ADK: variants seen among roughly 807,000 people sequenced by gnomAD.
ADK encodes the protein N6,N6-dimethyladenosine kinase.
In ADK, 24 loss-of-function variants were observed where a neutral mutation model predicts 44.7. The ratio of observed to expected loss-of-function variants is 0.54; its 90% confidence interval spans 0.39 to 0.76. The LOEUF (loss-of-function observed/expected upper bound fraction) is 0.76. ADK is among the 30% of genes least tolerant of loss of function. The pLI is 0.00. For missense variants in ADK, 321 were observed against 425.1 expected (o/e 0.76, Z 2.15); for synonymous variants, 128 against 142.6 (o/e 0.90, Z 0.73).
intron 9 of ADK, among the ~76,000 whole-genome samples, chr10:74,663,320 C>CCACTAGAATGTTGGCCT (rs1854822876): frequency 6.6e-6 from 1 of 151,038 alleles, no homozygotes; most frequent in Non-Finnish European, 1.5e-5. Context: ...TTGTCTATCC[C>CCACTAGAATGTTGGCCT]CACTAGAATG....
chr10:74,172,689 CAAAAAAAAA>C (rs67914966), intron 1 of ADK, among the ~76,000 whole-genome samples: 1 of 66,292 alleles, frequency 1.5e-5, no homozygotes, highest in Non-Finnish European at 2.9e-5. Context: ...AACTCCATCT[CAAAAAAAAA>C]AAAAAAAAAA....
intron 3 of ADK, among the ~76,000 whole-genome samples, chr10:74,228,086 T>G (rs1159425751): frequency 6.6e-6 from 1 of 152,246 alleles, no homozygotes; most frequent in Non-Finnish European, 1.5e-5. Context: ...GAATATTAAG[T>G]ATGTTTTCAT....
intron 7 of ADK, among the ~76,000 whole-genome samples, chr10:74,588,812 A>G (rs553324562): frequency 1.3e-5 from 2 of 152,308 alleles, no homozygotes; most frequent in Non-Finnish European, 1.5e-5. Flanking sequence ...TTTTTACCCA[A>G]TGAGTTTAAC....
chr10:74,664,517 T>G (rs1305229475), intron 9 of ADK, among the ~76,000 whole-genome samples: 1 of 152,126 alleles, frequency 6.6e-6, no homozygotes, highest in East Asian at 1.9e-4. Flanking sequence ...CATTACCTAC[T>G]CAAAAAGTTA....
chr10:74,668,844 G>A (rs1448401782), intron 9 of ADK, among the ~76,000 whole-genome samples: 1 of 152,062 alleles, frequency 6.6e-6, no homozygotes, highest in Non-Finnish European at 1.5e-5. Context: ...ACCAGCTTGG[G>A]CAACAAAGTG....
Position 74,505,665 on chromosome 10 carries a change from G to A in ADK, c.556-19591G>A, listed in dbSNP as rs76083678. 9.8e-3 allele frequency among the ~76,000 whole-genome samples: 1,486 copies of A among 152,046 alleles called. 23 individuals carry two copies. Among genetic ancestry groups the A allele is most frequent in the African/African-American group, 0.034 (1,409 of 41,476 alleles). On this transcript the variant is annotated intron_variant, in intron 6 of 10. Transcript: ENST00000539909. The stretch of plus-strand genomic sequence containing the variant: ...TTTTTTGGGCTTGATGGCTTTCATG[G>A]CTACTTTTGTAACAATGGCGTTTTC...
At chr10:74,644,526 G>GT (rs1311606322) in intron 9 of ADK, among the ~76,000 whole-genome samples, 1 of 152,040 alleles carries the variant, frequency 6.6e-6, no homozygotes. Context: ...GAAAGAATTG[G>GT]TTTTTTTATT....
chr10:74,527,843 T>C lies in ADK; in HGVS notation c.726+2417T>C, dbSNP rs146722493. 1.2e-3 allele frequency: 1,335 copies of C among 1,099,820 alleles called. 9 individuals are homozygous for C. In the African/African-American group the frequency reaches 0.017, roughly 14 times the overall value. 68.1% of individuals were successfully genotyped at this position (1,099,820 alleles called of 1,614,324 possible). ...GTGGCCCTCTTGCTTCCAAGTGTCT[T>C]GAAGCTGCCAGCCAGATCTCTAACA... On this transcript the variant is annotated intron_variant, in intron 7 of 10. Coordinates refer to ENST00000539909, the MANE Select transcript of ADK (RefSeq NM_006721.4).
intron 9 of ADK, among the ~76,000 whole-genome samples, chr10:74,649,373 T>G (rs1267518187): frequency 6.6e-6 from 1 of 152,104 alleles, no homozygotes; most frequent in Non-Finnish European, 1.5e-5. Flanking sequence ...CCCCTGTATT[T>G]CCAACACTTT....
At chr10:74,341,810 G>A (rs878877810) in intron 4 of ADK, among the ~76,000 whole-genome samples, 1 of 152,062 alleles carries the variant, frequency 6.6e-6, no homozygotes, top group African/African-American at 2.4e-5. Flanking sequence ...CATTAGTACA[G>A]CAATATGTAA....
At chr10:74,553,369 T>G (rs1850114086) in intron 7 of ADK, among the ~76,000 whole-genome samples, 1 of 151,754 alleles carries the variant, frequency 6.6e-6, no homozygotes. Flanking sequence ...CCCAGCTAAT[T>G]TTTGTATTTG....
At chr10:74,701,294 C>T (rs576186047) in intron 10 of ADK, among the ~76,000 whole-genome samples, 7 of 152,152 alleles carry the variant, frequency 4.6e-5, no homozygotes, top group South Asian at 2.1e-4. Flanking sequence ...CACATGTATA[C>T]GTATACAGTT....
chr10:74,646,676 A>T (rs1185782986), intron 9 of ADK, among the ~76,000 whole-genome samples: 5 of 152,238 alleles, frequency 3.3e-5, no homozygotes, highest in Non-Finnish European at 5.9e-5. Context: ...TTAGTATTAC[A>T]GTAAGCAATC....
Position 74,414,020 on chromosome 10 carries a change from A to G in ADK, c.555+15441A>G, listed in dbSNP as rs1282900253. On this transcript the variant is annotated intron_variant, in intron 6 of 10. Coordinates refer to ENST00000539909, the MANE Select transcript of ADK (RefSeq NM_006721.4). ...TTATCAGTTAAGTTCACCATCTTCT[A>G]TGGGTGTGGTTTGTGGCATCCCAAA... Among the ~76,000 whole-genome samples the G allele has an allele frequency of 3.9e-5, 6 of 152,324 alleles. No individual in the cohort carries two copies. The East Asian group carries it at 1.2e-3, about 29-fold the overall frequency.
intron 4 of ADK, among the ~76,000 whole-genome samples, chr10:74,323,445 A>T (rs1840886426): frequency 6.6e-6 from 1 of 152,188 alleles, no homozygotes; most frequent in Admixed American, 6.5e-5. Context: ...AAGCAACTTT[A>T]TTGGAATATA....
At chr10:74,247,896 C>G (rs1038058149) in intron 3 of ADK, among the ~76,000 whole-genome samples, 4 of 152,028 alleles carry the variant, frequency 2.6e-5, no homozygotes, top group Admixed American at 6.6e-5. Flanking sequence ...GGCAGCCCAC[C>G]TACAGAAGAA....
chr10:74,580,907 G>C (rs1851351672), intron 7 of ADK, among the ~76,000 whole-genome samples: 1 of 152,062 alleles, frequency 6.6e-6, no homozygotes, highest in South Asian at 2.1e-4. Context: ...AGTGACAAAT[G>C]CCTGTAGTTT....
At chr10:74,440,547 A>G (rs957859192) in intron 6 of ADK, among the ~76,000 whole-genome samples, 1 of 152,188 alleles carries the variant, frequency 6.6e-6, no homozygotes, top group African/African-American at 2.4e-5. Context: ...ATATCTTATT[A>G]TTTGTTTAAA....
chr10:74,295,023 T>C (rs1164169440), intron 3 of ADK, among the ~76,000 whole-genome samples: 1 of 151,868 alleles, frequency 6.6e-6, no homozygotes, highest in Non-Finnish European at 1.5e-5. Context: ...GCCTGGCTGA[T>C]TTTTGTATTT....
Sources: allele counts gnomAD v4.1 joint callset (sites outside exome capture counted in the v4.1 genomes callset), GRCh38; gene constraint gnomAD v4.1.1; transcripts MANE v1.5; gene names NCBI Gene and HGNC (gene_info 2026-07-23, HGNC 2026-07-21).